Variants in LRIG3 observed in about 807,000 individuals in gnomAD.
The protein encoded by LRIG3 is leucine-rich repeats and immunoglobulin-like domains protein 3.
A neutral mutation model predicts 114.5 loss-of-function variants in LRIG3; 76 were observed. That is an observed-to-expected ratio of 0.66 (90% confidence interval 0.55 to 0.80). LRIG3 has a LOEUF of 0.80. Among genes scored for constraint, LRIG3 ranks in the 30% least tolerant of loss-of-function variants. LRIG3 has a pLI of 0.00. For synonymous variants in LRIG3, 512 were observed against 519.8 expected (o/e 0.98, Z 0.20); for missense variants, 1,239 against 1,382.8 (o/e 0.90, Z 1.65).
chr12:58,902,772 A>C (rs568505038), intron 3 of LRIG3, among the ~76,000 whole-genome samples: 1 of 125,688 alleles, frequency 8.0e-6, no homozygotes, highest in Non-Finnish European at 1.6e-5. Flanking sequence ...TCCTGTGTCC[A>C]TGTGTTCTCA....
chr12:58,904,041 C>A (rs552285340), intron 3 of LRIG3, among the ~76,000 whole-genome samples: 2 of 152,050 alleles, frequency 1.3e-5, no homozygotes, highest in South Asian at 2.1e-4. Context: ...ATTGACTTGG[C>A]GATGCGGGCT....
intron 10 of LRIG3, 109 bp downstream of exon 10, chr12:58,885,722 G>T: frequency 1.6e-6 from 1 of 624,752 alleles, no homozygotes; most frequent in South Asian, 2.1e-5. Context: ...TTATGGAACC[G>T]GAAGGATGCC....
intron 5 of LRIG3, among the ~76,000 whole-genome samples, chr12:58,889,355 G>A (rs760968504): frequency 9.9e-5 from 15 of 152,164 alleles, no homozygotes; most frequent in Admixed American, 2.0e-4. Context: ...TTACAAGTTG[G>A]TTACTATCTT....
Position 58,874,462 on chromosome 12 carries a change from T to C in LRIG3, c.2807A>G (p.Tyr936Cys). ...ATATGTTTCAAAAGGATCTGAGCCATACACATTTCCCTTCAAATACATAGG... is the reference window on the plus strand; with the variant it reads ...ATATGTTTCAAAAGGATCTGAGCCACACACATTTCCCTTCAAATACATAGG... ...TGPMYLKGNV[Y>C]GSDPFETYHT... Residue 936 changes from tyrosine to cysteine, a missense_variant, in exon 17 of 19, where the codon TAT becomes TGT. Tyr to Cys is a radical substitution (Grantham distance 194). Transcript: ENST00000320743. 1 of 1,614,224 alleles carries C rather than the reference T, an allele frequency of 6.2e-7. No homozygotes were observed. Among genetic ancestry groups the C allele is most frequent in the Non-Finnish European group, 8.5e-7 (1 of 1,180,036 alleles).
At chr12:58,900,209 C>A (rs188970880) in intron 3 of LRIG3, among the ~76,000 whole-genome samples, 1 of 152,018 alleles carries the variant, frequency 6.6e-6, no homozygotes, top group African/African-American at 2.4e-5. Flanking sequence ...TTTAATCAAT[C>A]CTGTTTTCAG....
rs546633524 is a variant in LRIG3 at position 58,879,063 on chromosome 12, C to T, written c.1844G>A (p.Arg615Gln). Reference protein sequence around the residue: ...FTKTPMDLTIRAGAMARLECA... With the variant: ...FTKTPMDLTIQAGAMARLECA... ...CTCCAAGCGTGCCATGGCCCCAGCT[C>T]GGATGGTGAGATCCATGGGGGTCTT... The change falls in exon 14 of 19, where the codon CGA (arginine) becomes CAA (glutamine). Residue 615 changes from arginine (R) to glutamine (Q), a missense_variant. Physicochemically the swap from Arg to Gln is conservative, Grantham distance 43. Coordinates refer to ENST00000320743, the MANE Select transcript of LRIG3 (RefSeq NM_153377.5). 2.0e-5 allele frequency: 33 copies of T among 1,613,854 alleles called. No individual in the cohort carries two copies. Among genetic ancestry groups the T allele is most frequent in the Middle Eastern group, 1.6e-4 (1 of 6,084 alleles).
At chr12:58,896,037 T>G (rs1204414387) in intron 3 of LRIG3, among the ~76,000 whole-genome samples, 1 of 152,130 alleles carries the variant, frequency 6.6e-6, no homozygotes. Context: ...AGACACAGAG[T>G]GCAGACTAGG....
At chr12:58,902,469 C>T (rs187389412) in intron 3 of LRIG3, among the ~76,000 whole-genome samples, 3 of 152,246 alleles carry the variant, frequency 2.0e-5, no homozygotes, top group Admixed American at 2.0e-4. Flanking sequence ...ACTGCTCTAT[C>T]TGCTCAATAA....
intron 3 of LRIG3, among the ~76,000 whole-genome samples, chr12:58,909,869 G>A (rs976302825): frequency 6.6e-6 from 1 of 152,114 alleles, no homozygotes; most frequent in Non-Finnish European, 1.5e-5. Context: ...GCCATCATGT[G>A]GTTTAATTAT....
At chr12:58,917,952 G>T (rs1872540120) in intron 1 of LRIG3, among the ~76,000 whole-genome samples, 2 of 152,122 alleles carry the variant, frequency 1.3e-5, no homozygotes, top group Non-Finnish European at 2.9e-5. Context: ...TCAATTCCAC[G>T]TGTTTTTCTG....
rs768073832 is a variant in LRIG3, at chr12:58,880,605, C to G, written c.1777G>C (p.Val593Leu). The change falls in exon 13 of 19, where the codon GTC (valine) becomes CTC (leucine). Residue 593 changes from valine (V) to leucine (L), a missense_variant. Val to Leu is a conservative substitution (Grantham distance 32). Transcript: ENST00000320743. ...CTATTTACTGTAAGCTTGGCTTTGA[C>G]AGAGTAGGATGAACCAAAGTGATTG... ...ISNHFGSSYS[V>L]KAKLTVNMLP... The G allele has an allele frequency of 3.1e-6, 5 of 1,612,650 alleles. No individual in the cohort carries two copies. The highest frequency in any genetic ancestry group is 1.7e-4 in the Middle Eastern group (1 of 6,060).
intron 13 of LRIG3, among the ~76,000 whole-genome samples, chr12:58,880,201 T>C (rs113546749): frequency 9.4e-4 from 141 of 150,120 alleles, no homozygotes; most frequent in African/African-American, 3.4e-3. Flanking sequence ...GAGGCTGAGG[T>C]AGGAGAATTG....
chr12:58,875,885 C>CA (rs1870899023), intron 16 of LRIG3, among the ~76,000 whole-genome samples: 1 of 152,054 alleles, frequency 6.6e-6, no homozygotes, highest in South Asian at 2.1e-4. Context: ...ACTAAAAATA[C>CA]AAAAACAAAA....
chr12:58,895,570 G>A (rs1305624657), intron 3 of LRIG3, among the ~76,000 whole-genome samples: 2 of 152,170 alleles, frequency 1.3e-5, no homozygotes, highest in African/African-American at 4.8e-5. Flanking sequence ...GAGGCCGCCG[G>A]GAGATGACAG....
At chr12:58,898,734 C>T (rs768578036) in intron 3 of LRIG3, among the ~76,000 whole-genome samples, 2 of 152,184 alleles carry the variant, frequency 1.3e-5, no homozygotes, top group African/African-American at 2.4e-5. Flanking sequence ...TCTCGGCTCA[C>T]TGCAACCTCC....
At chr12:58,884,028 T>G (rs1871196977) in intron 10 of LRIG3, among the ~76,000 whole-genome samples, 1 of 152,234 alleles carries the variant, frequency 6.6e-6, no homozygotes, top group African/African-American at 2.4e-5. Context: ...TTACAAGTGT[T>G]ACTGCATTTA....
At chr12:58,907,878 G>C (rs566521587) in intron 3 of LRIG3, among the ~76,000 whole-genome samples, 1 of 152,264 alleles carries the variant, frequency 6.6e-6, no homozygotes, top group South Asian at 2.1e-4. Context: ...AGGGGATTGA[G>C]AGCTCGCTAA....
chr12:58,876,313 C>T (rs1227573779), intron 16 of LRIG3, 132 bp downstream of exon 16: 4 of 876,358 alleles, frequency 4.6e-6, no homozygotes, highest in Non-Finnish European at 3.5e-6. Context: ...ACAATTTCAA[C>T]CTTGCTAGTG....
intron 16 of LRIG3, among the ~76,000 whole-genome samples, chr12:58,876,115 C>T (rs1288483904): frequency 6.6e-6 from 1 of 152,162 alleles, no homozygotes; most frequent in Non-Finnish European, 1.5e-5. Flanking sequence ...AACCATTAGA[C>T]TTTTAAGCCC....
Sources: gnomAD v4.1 joint callset for allele counts (sites outside exome capture counted in the v4.1 genomes callset) on GRCh38, gnomAD v4.1.1 for gene constraint, MANE v1.5 for transcripts, NCBI Gene and HGNC (gene_info 2026-07-23, HGNC 2026-07-21) for gene names.